Variants in KRT86 observed in about 807,000 individuals in gnomAD.
The protein encoded by KRT86 is keratin 86.
In KRT86, 30 loss-of-function variants were observed where a neutral mutation model predicts 41.2. That is an observed-to-expected ratio of 0.73 (90% CI 0.54 to 0.99). The LOEUF is 0.99. Ranked by LOEUF, KRT86 falls within the 50% of genes least tolerant of loss-of-function variation. KRT86 has a pLI of 0.00. For missense variants in KRT86, 561 were observed against 571.4 expected (o/e 0.98, Z 0.19); for synonymous variants, 238 against 238.1 (o/e 1.00, Z 0.00).
chr12:52,276,759 C>T (rs1169380003), intron 2 of KRT86, among the ~76,000 whole-genome samples: 2 of 152,214 alleles, frequency 1.3e-5, no homozygotes, highest in African/African-American at 4.8e-5. Flanking sequence ...AGGATGTTTT[C>T]TTTCTCCCAT....
In KRT86 at chr12:52,305,518, C is replaced by T. The variant is rs73309364; in HGVS notation, c.900+114C>T. 2.0e-3 allele frequency: 3,192 copies of T among 1,599,564 alleles called. 48 individuals are homozygous for T. In the African/African-American group the frequency reaches 0.037, roughly 19 times the overall value. ...CACTAGGGATGAGAAGAGATGGCTGCCACTCTGATGTTGGGGTGGTAGGGC... is the reference window on the plus strand; with the variant it reads ...CACTAGGGATGAGAAGAGATGGCTGTCACTCTGATGTTGGGGTGGTAGGGC... On this transcript the variant is annotated intron_variant, in intron 7 of 10. Transcript: ENST00000423955.
rs1592442078 is a variant in KRT86 at position 52,308,343 on chromosome 12, A to T, written c.1280-61A>T. On this transcript the variant is annotated intron_variant, in intron 10 of 10. Coordinates refer to ENST00000423955, the MANE Select transcript of KRT86 (RefSeq NM_001320198.2). ...GGCAAAGGGCGCGTGGGCTCGCAGC[A>T]AAGCCACTCACCCAGGTCGCGGCTG... 7 of 1,612,698 alleles carry T rather than the reference A, an allele frequency of 4.3e-6. No homozygotes were observed. The East Asian group carries it at 1.6e-4, about 36-fold the overall frequency.
At chr12:52,281,027 A>T (rs1367303180) in intron 2 of KRT86, among the ~76,000 whole-genome samples, 1 of 152,160 alleles carries the variant, frequency 6.6e-6, no homozygotes. Context: ...GTCAGGTTTG[A>T]GTTTCTTCCT....
In KRT86 at chr12:52,302,073, G is replaced by A. The variant is rs1938396704; in HGVS notation, c.157G>A (p.Gly53Ser). 1.9e-6 allele frequency: 3 copies of A among 1,598,796 alleles called. No homozygotes were observed. The highest frequency in any genetic ancestry group is 1.7e-6 in the Non-Finnish European group (2 of 1,173,866). Reference sequence around the variant, plus strand: ...CTTCGGCAGCCACAGCGTGTGCGGAGGCTTTCGGGCCGGCTCCTGCGGACG... The same window carrying A: ...CTTCGGCAGCCACAGCGTGTGCGGAAGCTTTCGGGCCGGCTCCTGCGGACG... Reference protein sequence around the residue: ...GGFGSHSVCGGFRAGSCGRSF... With the variant: ...GGFGSHSVCGSFRAGSCGRSF... Residue 53 changes from glycine to serine, a missense_variant, in exon 3 of 11, where the codon GGC becomes AGC. By Grantham distance (56) the Gly-to-Ser change is moderately conservative. Around this residue, in one of 3 missense-constraint regions of KRT86, gnomAD observed 164 missense variants for 172.5 expected, o/e 0.95. Transcript: ENST00000423955.
chr12:52,285,923 T>G, intron 2 of KRT86: 1 of 391,802 alleles, frequency 2.6e-6, no homozygotes, highest in Admixed American at 3.8e-5. Flanking sequence ...TTGGCTACAT[T>G]AATTTATTGA....
intron 2 of KRT86, among the ~76,000 whole-genome samples, chr12:52,277,280 G>A (rs1937655588): frequency 6.6e-6 from 1 of 151,808 alleles, no homozygotes; most frequent in Non-Finnish European, 1.5e-5. Flanking sequence ...CTAGATAGCC[G>A]GTTTCAAATC....
intron 2 of KRT86, among the ~76,000 whole-genome samples, chr12:52,298,492 C>A (rs371848568): frequency 6.6e-6 from 1 of 152,170 alleles, no homozygotes; most frequent in South Asian, 2.1e-4. Flanking sequence ...GCTGTTGATA[C>A]GTCTGCAGCA....
intron 8 of KRT86, 103 bp downstream of exon 8, chr12:52,305,891 C>G: frequency 1.2e-6 from 2 of 1,604,764 alleles, no homozygotes; most frequent in Non-Finnish European, 1.7e-6. Context: ...TCTCCAGCCC[C>G]TCTGTCCATG....
At chr12:52,306,630 T>G in intron 9 of KRT86, 1 of 429,950 alleles carries the variant, frequency 2.3e-6, no homozygotes, top group East Asian at 4.7e-5. Flanking sequence ...TTCCTTCTCT[T>G]TTTCCTAGTC....
At chr12:52,301,360 G>T (rs1305759264) in intron 2 of KRT86, among the ~76,000 whole-genome samples, 1 of 152,210 alleles carries the variant, frequency 6.6e-6, no homozygotes, top group South Asian at 2.1e-4. Context: ...TTCTGTAAAC[G>T]TGGGTCTTTT....
At chr12:52,286,451 C>T (rs1354138080) in intron 2 of KRT86, 1 of 1,552,828 alleles carries the variant, frequency 6.4e-7, no homozygotes. Flanking sequence ...GCCTGACACG[C>T]AGAGGTCCCC....
chr12:52,301,693 C>A, intron 2 of KRT86: 1 of 342,160 alleles, frequency 2.9e-6, no homozygotes, highest in Non-Finnish European at 4.1e-6. Context: ...TAACATCTGG[C>A]TGCTTCTGGG....
At chr12:52,307,006 T>A (rs1428725297) in intron 9 of KRT86, 1 of 152,990 alleles carries the variant, frequency 6.5e-6, no homozygotes, top group Non-Finnish European at 1.5e-5. Flanking sequence ...TTGCCCTTGG[T>A]TTCTTTCCCC....
chr12:52,302,843 G>GT (rs748231583), intron 3 of KRT86, among the ~76,000 whole-genome samples: 3 of 97,142 alleles, frequency 3.1e-5, no homozygotes, highest in African/African-American at 1.2e-4. Flanking sequence ...GTGGGGGGTG[G>GT]GGGGGGGGTC....
chr12:52,285,307 T>C (rs1269395366), intron 2 of KRT86, among the ~76,000 whole-genome samples: 1 of 152,126 alleles, frequency 6.6e-6, no homozygotes, highest in Non-Finnish European at 1.5e-5. Context: ...TTTTCTGTCT[T>C]TGAGGAAAAT....
chr12:52,288,072 A>G (rs144356330), intron 2 of KRT86: 2 of 1,614,174 alleles, frequency 1.2e-6, no homozygotes, highest in East Asian at 2.2e-5. Context: ...GATGCAGTCC[A>G]TGTTCAGGTC....
At position 52,280,062 on chromosome 12, in the gene KRT86, A is replaced by T. The variant is rs997019228; in HGVS notation, c.-5+4116A>T. 5.3e-5 allele frequency among the ~76,000 whole-genome samples: 8 copies of T among 152,262 alleles called. No individual in the cohort carries two copies. In the South Asian group the frequency reaches 1.7e-3, roughly 32 times the overall value. On this transcript the variant is annotated intron_variant, in intron 2 of 10. Transcript: ENST00000423955. ...ATTTGAAGACAGGTGGCCCTTGCAG[A>T]TGGGGGCTGGAGAGAGATGAACACA...
intron 2 of KRT86, among the ~76,000 whole-genome samples, chr12:52,297,539 A>T (rs1409172824): frequency 6.6e-6 from 1 of 152,202 alleles, no homozygotes; most frequent in Non-Finnish European, 1.5e-5. Flanking sequence ...AATGAACCGA[A>T]GGGAGCACTG....
At chr12:52,304,602 C>T (rs1190883350) in intron 5 of KRT86, among the ~76,000 whole-genome samples, 2 of 151,648 alleles carry the variant, frequency 1.3e-5, no homozygotes, top group Non-Finnish European at 2.9e-5. Context: ...GCTTTTGGAG[C>T]ACTGCTGGGG....
Sources: gnomAD v4.1 joint callset for allele counts (sites outside exome capture counted in the v4.1 genomes callset) on GRCh38, gnomAD v4.1.1 for gene constraint, gnomAD v4.1.1 regional missense constraint, MANE v1.5 for transcripts, NCBI Gene and HGNC (gene_info 2026-07-23, HGNC 2026-07-21) for gene names.